FAM221B: variants seen among roughly 807,000 people sequenced by gnomAD.
The protein encoded by FAM221B is family with sequence similarity 221 member B.
A neutral mutation model predicts 39.8 loss-of-function variants in FAM221B; 35 were observed. The observed-to-expected ratio is 0.88, with a 90% CI of 0.67 to 1.17. FAM221B has a LOEUF of 1.17. FAM221B is among the 50% of genes most tolerant of loss of function. FAM221B has a pLI of 0.00. For missense variants in FAM221B, 479 were observed against 503.1 expected, an observed-to-expected ratio of 0.95 and a Z score of 0.46; for synonymous variants, 158 against 178.1, an observed-to-expected ratio of 0.89 and a Z score of 0.90.
At chr9:35,820,214 C>G (rs935945098) in intron 3 of FAM221B, among the ~76,000 whole-genome samples, 4 of 152,156 alleles carry the variant, frequency 2.6e-5, no homozygotes, top group African/African-American at 9.7e-5. Context: ...CTTCAGTTCT[C>G]TTCCTACCCA....
chr9:35,818,606 G>T (rs1281308611), intron 6 of FAM221B, 100 bp from the exon 7 acceptor site: 16 of 1,268,284 alleles, frequency 1.3e-5, no homozygotes, highest in African/African-American at 1.5e-5. Context: ...GGGGACTAGG[G>T]TGGGAGCTGG....
At chr9:35,822,439 G>A (rs1362089879) in intron 3 of FAM221B, among the ~76,000 whole-genome samples, 1 of 151,672 alleles carries the variant, frequency 6.6e-6, no homozygotes, top group Non-Finnish European at 1.5e-5. Context: ...ACAGAGTCTC[G>A]CTCTGTTGCC....
At chr9:35,824,253 G>A (rs1482198445) in intron 3 of FAM221B, among the ~76,000 whole-genome samples, 1 of 152,212 alleles carries the variant, frequency 6.6e-6, no homozygotes, top group Non-Finnish European at 1.5e-5. Context: ...CTTATAGCAG[G>A]TCAGGGTGGC....
At position 35,819,267 on chromosome 9, in the gene FAM221B, C is replaced by T. The variant is rs1588089298; in HGVS notation, c.981G>A (p.Arg327=). Residue 327 remains arginine, a synonymous_variant, in exon 5 of 7, where the codon AGG becomes AGA. Transcript: ENST00000423537. The part of the protein sequence containing the change: ...RRATFDPKAW[R]AQCRCKHSHE... ...GGCTGTGTTTGCAGCGACATTGGGC[C>T]CTCCAGGCCTTGGGGTCAAAGGTGG... 5 of 1,551,602 alleles carry T rather than the reference C, an allele frequency of 3.2e-6. No homozygotes were observed. Among genetic ancestry groups the T allele is most frequent in the South Asian group, 1.2e-5 (1 of 84,072 alleles).
At chr9:35,820,097 A>C in intron 3 of FAM221B, 97 bp from the exon 4 acceptor site, 1 of 752,214 alleles carries the variant, frequency 1.3e-6, no homozygotes, top group Non-Finnish European at 2.3e-6. Context: ...GGTGGGGGGA[A>C]CTTACCTCTC....
chr9:35,821,537 C>G lies in FAM221B; in HGVS notation c.743-1537G>C, dbSNP rs778982227. 4.4e-6 allele frequency: 6 copies of G among 1,367,760 alleles called. No individual in the cohort carries two copies. In the Admixed American group the frequency reaches 1.1e-4, roughly 26 times the overall value. The allele number at this position is 1,367,760 out of a possible 1,614,324, so 84.7% of individuals were successfully genotyped here. ...CCTGTAGTGCCAGTGCCCCCTTACA[C>G]CAGGGAGGCTTTGTTGAGAGAGCAA... On this transcript the variant is annotated intron_variant, in intron 3 of 6. Transcript: ENST00000423537.
At chr9:35,818,562 C>T in intron 6 of FAM221B, 56 bp from the exon 7 acceptor site, 5 of 1,516,256 alleles carry the variant, frequency 3.3e-6, no homozygotes, top group Non-Finnish European at 4.5e-6. Context: ...AGAAGGGAGG[C>T]CAGGCTGGAG....
At chr9:35,821,316 T>C in intron 3 of FAM221B, 1 of 599,836 alleles carries the variant, frequency 1.7e-6, no homozygotes, top group Non-Finnish European at 2.6e-6. Flanking sequence ...AGAGAGCCAG[T>C]ATTCAGGCAT....
Position 35,818,862 on chromosome 9 carries a change from G to GGCC in FAM221B, c.1171+25_1171+27dup, listed in dbSNP as rs370970620. Reference sequence around the variant, plus strand: ...GCCTTCTGACTACAGACCCTGGAATGGCCCCCTGTCCCAGGTTTCTGCCTC... The same window carrying GGCC: ...GCCTTCTGACTACAGACCCTGGAATGGCCGCCCCCTGTCCCAGGTTTCTGCCTC... On this transcript the variant is annotated intron_variant, in intron 6 of 6. Transcript: ENST00000423537. 4.3e-4 allele frequency: 672 copies of GGCC among 1,550,782 alleles called. 15 individuals carry two copies. The East Asian group carries it at 0.016, about 37-fold the overall frequency.
Position 35,819,885 on chromosome 9 carries a change from C to T in FAM221B, c.853+5G>A, listed in dbSNP as rs1387366333. The T allele has an allele frequency of 5.0e-6, 8 of 1,604,744 alleles. No homozygotes were observed. Among genetic ancestry groups the T allele is most frequent in the Non-Finnish European group, 6.0e-6 (7 of 1,171,600 alleles). ...CTCGAGAGGGGCTGGTCAGTTCTCC[C>T]CTACCTGAGATGATCCGGTGCTCTC... On this transcript the variant is annotated splice_donor_5th_base_variant and intron_variant, in intron 4 of 6. Transcript: ENST00000423537.
rs1206546350 is a variant in FAM221B at position 35,816,904 on chromosome 9, T to C, written c.*1565A>G. 6.6e-6 allele frequency: 1 copy of C among 152,132 alleles called. No individual in the cohort carries two copies. The highest frequency in any genetic ancestry group is 1.5e-5 in the Non-Finnish European group (1 of 68,002). 9.4% of individuals were successfully genotyped at this position (152,132 alleles called of 1,614,324 possible). On this transcript the variant is annotated 3_prime_UTR_variant, in exon 7 of 7. Transcript: ENST00000423537. ...CTTCTCTGGGCCCCAGAGGCTGCAGTTCTCTGTGGTGCCTCTGGGACACTG... is the reference window on the plus strand; with the variant it reads ...CTTCTCTGGGCCCCAGAGGCTGCAGCTCTCTGTGGTGCCTCTGGGACACTG...
chr9:35,821,497 T>C (rs1363116191), intron 3 of FAM221B: 7 of 1,367,916 alleles, frequency 5.1e-6, no homozygotes, highest in Admixed American at 1.9e-5. Flanking sequence ...GCTTCTTCTG[T>C]CTTGATGCTG....
At chr9:35,826,213 C>A in intron 1 of FAM221B, 52 bp from the exon 2 acceptor site, 1 of 1,402,558 alleles carries the variant, frequency 7.1e-7, no homozygotes, top group Non-Finnish European at 9.7e-7. Flanking sequence ...AGAGGGCCGG[C>A]AAGTCAGGGC....
intron 4 of FAM221B, 137 bp from the exon 5 acceptor site, chr9:35,819,531 C>T (rs1829096517): frequency 1.3e-5 from 10 of 799,484 alleles, no homozygotes; most frequent in Admixed American, 2.9e-5. Flanking sequence ...TTTGCTCTGT[C>T]GCCCAGGCTG....
chr9:35,818,187 C>G lies in FAM221B; in HGVS notation c.*282G>C, dbSNP rs1156723746. The stretch of plus-strand genomic sequence containing the variant: ...CAAAACCCAATGGACACTTTTCAGT[C>G]TTTATCTTATTGGTGCCCCAACTGC... On this transcript the variant is annotated 3_prime_UTR_variant, in exon 7 of 7. Coordinates refer to ENST00000423537, the MANE Select transcript of FAM221B (RefSeq NM_001012446.4). 4 of 477,888 alleles carry G rather than the reference C, an allele frequency of 8.4e-6. No individual in the cohort carries two copies. The highest frequency in any genetic ancestry group is 1.1e-5 in the Non-Finnish European group (3 of 261,780). The allele number at this position is 477,888 out of a possible 1,614,324, so 29.6% of individuals were successfully genotyped here. A position where few individuals can be genotyped will look rare whatever the true frequency, so the allele number is the denominator to read the frequency against.
At chr9:35,823,483 TCCC>T (rs1290860270) in intron 3 of FAM221B, among the ~76,000 whole-genome samples, 1 of 152,210 alleles carries the variant, frequency 6.6e-6, no homozygotes, top group African/African-American at 2.4e-5. Flanking sequence ...GGACTCAACA[TCCC>T]CACTATTAGG....
chr9:35,818,970 G>T lies in FAM221B; in HGVS notation c.1091C>A (p.Ala364Glu), dbSNP rs150126590. Residue 364 changes from alanine (A) to glutamate (E), a missense_variant, in exon 6 of 7, where the codon GCG (alanine) becomes GAG (glutamate). Physicochemically the swap from Ala to Glu is moderately radical, Grantham distance 107 (BLOSUM62 -1). Transcript: ENST00000423537. ...TTCCTCCCAGCGCCGGTCACAGGCC[G>T]CACAGAGGAAATTAGACTCAAAACA... ...CGCFESNFLC[A>E]ACDRRWEEHE... 4 of 1,551,660 alleles carry T rather than the reference G, an allele frequency of 2.6e-6. No individual in the cohort carries two copies. Among genetic ancestry groups the T allele is most frequent in the Non-Finnish European group, 2.6e-6 (3 of 1,146,996 alleles).
At chr9:35,827,984 G>A (rs1248450273) in intron 1 of FAM221B, among the ~76,000 whole-genome samples, 1 of 151,990 alleles carries the variant, frequency 6.6e-6, no homozygotes, top group Non-Finnish European at 1.5e-5. Context: ...TGGAGGAGGA[G>A]AGTAAGGATG....
At chr9:35,826,202 T>C in intron 1 of FAM221B, 41 bp from the exon 2 acceptor site, 2 of 1,493,638 alleles carry the variant, frequency 1.3e-6, no homozygotes, top group Middle Eastern at 2.1e-4. Flanking sequence ...AGGTTGGAAA[T>C]AGAGGGCCGG....
Sources: gnomAD v4.1 joint callset for allele counts (sites outside exome capture counted in the v4.1 genomes callset) on GRCh38, gnomAD v4.1.1 for gene constraint, MANE v1.5 for transcripts, NCBI Gene and HGNC (gene_info 2026-07-23, HGNC 2026-07-21) for gene names.